The following COL22A1 variants were observed in gnomAD, a reference collection of about 807,000 sequenced individuals.
The protein encoded by COL22A1 is collagen alpha-1(XXII) chain.
Under a neutral mutation model 248.9 loss-of-function variants are expected in COL22A1, and 221 were observed. That is an observed-to-expected ratio of 0.89 (90% CI 0.80 to 0.99). COL22A1 has a LOEUF of 0.99. Among genes scored for constraint, COL22A1 ranks in the 50% least tolerant of loss-of-function variants. COL22A1 has a pLI of 0.00. For synonymous variants in COL22A1, 891 were observed against 793.4 expected (o/e 1.12, Z -2.07); for missense variants, 2,240 against 2,179.0 (o/e 1.03, Z -0.56).
At chr8:138,593,601 G>C (rs1177055459) in intron 63 of COL22A1, among the ~76,000 whole-genome samples, 1 of 152,034 alleles carries the variant, frequency 6.6e-6, no homozygotes, top group Non-Finnish European at 1.5e-5. Context: ...CTGATGTCCT[G>C]ATAAGTCACT....
At chr8:138,812,463 G>A (rs914007079) in intron 8 of COL22A1, among the ~76,000 whole-genome samples, 4 of 152,222 alleles carry the variant, frequency 2.6e-5, no homozygotes, top group African/African-American at 7.2e-5. Context: ...GTTGGAAAGG[G>A]AGAGGCCTGA....
At chr8:138,676,462 A>AAGGAAGG (rs1587837312) in intron 41 of COL22A1, 96 bp downstream of exon 41, 3 of 605,984 alleles carry the variant, frequency 5.0e-6, no homozygotes, top group Admixed American at 7.2e-5. Flanking sequence ...AGAAAGGAAG[A>AAGGAAGG]AAGAAAGAAA....
intron 1 of COL22A1, among the ~76,000 whole-genome samples, chr8:138,883,901 C>T (rs1824436670): frequency 6.6e-6 from 1 of 152,154 alleles, no homozygotes; most frequent in Non-Finnish European, 1.5e-5. Flanking sequence ...CACCTAAAAT[C>T]GTTCAGTGTC....
chr8:138,722,321 A>G, intron 25 of COL22A1: 2 of 551,404 alleles, frequency 3.6e-6, no homozygotes, highest in South Asian at 4.7e-5. Flanking sequence ...TCTGATTTTC[A>G]GTACACTGGC....
chr8:138,868,281 T>C (rs1275211653), intron 3 of COL22A1, among the ~76,000 whole-genome samples: 3 of 151,918 alleles, frequency 2.0e-5, no homozygotes, highest in African/African-American at 7.3e-5. Context: ...GAGTCAGGGG[T>C]TCTCAAAGCG....
intron 18 of COL22A1, 83 bp downstream of exon 18, chr8:138,760,160 C>T: frequency 8.1e-7 from 1 of 1,229,244 alleles, no homozygotes; most frequent in Non-Finnish European, 1.1e-6. Context: ...GGCCCCTTCC[C>T]TGAGCCTGGT....
Position 138,725,402 on chromosome 8 carries a change from T to C in COL22A1, c.2178A>G (p.Gly726=), listed in dbSNP as rs1563672671. 1 of 1,614,016 alleles carries C rather than the reference T, an allele frequency of 6.2e-7. No individual in the cohort carries two copies. Among genetic ancestry groups the C allele is most frequent in the East Asian group, 2.2e-5 (1 of 44,854 alleles). The stretch of plus-strand genomic sequence containing the variant: ...CCAGTCTTACCGGAGAACCTCCCGG[T>C]CCAGGGGGGCCTGGGACACCAGGGG... ...PGPPGVPGPP[G]PGGSPGLPGE... is the part of the protein sequence containing the mutation. Residue 726 remains glycine, a synonymous_variant, in exon 24 of 65, where the codon GGA becomes GGG. Coordinates refer to ENST00000303045, the MANE Select transcript of COL22A1 (RefSeq NM_152888.3).
chr8:138,841,121 C>A (rs571599385), intron 4 of COL22A1, among the ~76,000 whole-genome samples: 3 of 152,144 alleles, frequency 2.0e-5, no homozygotes, highest in African/African-American at 7.2e-5. Context: ...TCCAGCCTCC[C>A]ATCCAACCAT....
intron 41 of COL22A1, among the ~76,000 whole-genome samples, chr8:138,668,515 A>G (rs1242017441): frequency 3.9e-5 from 6 of 152,224 alleles, no homozygotes; most frequent in Non-Finnish European, 7.3e-5. Flanking sequence ...TATAAAACTG[A>G]AAGCCGCATA....
At chr8:138,730,161 G>C (rs144024996) in intron 23 of COL22A1, among the ~76,000 whole-genome samples, 23 of 152,350 alleles carry the variant, frequency 1.5e-4, no homozygotes, top group African/African-American at 5.1e-4. Flanking sequence ...GACAGTATCT[G>C]TCTCCCTGCC....
At chr8:138,726,503 A>AAAAAAAAAAAAAAG (rs1830325060) in intron 23 of COL22A1, among the ~76,000 whole-genome samples, 1 of 143,646 alleles carries the variant, frequency 7.0e-6, no homozygotes, top group Admixed American at 6.8e-5. Flanking sequence ...ATCTACAAAA[A>AAAAAAAAAAAAAAG]AAAAAAAAAA....
intron 2 of COL22A1, 60 bp downstream of exon 2, chr8:138,883,022 C>T (rs564658240): frequency 1.3e-5 from 19 of 1,417,828 alleles, no homozygotes; most frequent in South Asian, 8.8e-5. Context: ...CCCATGCTCA[C>T]GGACACATGC....
chr8:138,698,419 T>C (rs1434147702), intron 32 of COL22A1, among the ~76,000 whole-genome samples: 3 of 152,152 alleles, frequency 2.0e-5, no homozygotes, highest in Non-Finnish European at 4.4e-5. Flanking sequence ...TGGACACAGG[T>C]GCCACTCCCT....
At chr8:138,605,166 G>A (rs548178485) in intron 58 of COL22A1, among the ~76,000 whole-genome samples, 2 of 152,256 alleles carry the variant, frequency 1.3e-5, no homozygotes, top group South Asian at 4.2e-4. Flanking sequence ...CCACTGTTTG[G>A]CTCTGTGATC....
At chr8:138,638,592 G>T (rs1486987487) in intron 47 of COL22A1, among the ~76,000 whole-genome samples, 1 of 152,112 alleles carries the variant, frequency 6.6e-6, no homozygotes, top group African/African-American at 2.4e-5. Flanking sequence ...GGTTAGGTGA[G>T]CTCATATCTG....
intron 52 of COL22A1, among the ~76,000 whole-genome samples, chr8:138,621,756 T>C (rs1284802125): frequency 6.6e-6 from 1 of 152,230 alleles, no homozygotes; most frequent in East Asian, 1.9e-4. Flanking sequence ...GGGACTACAG[T>C]GGAAAAATGT....
Position 138,694,672 on chromosome 8 carries a change from G to A in COL22A1, c.2647-111C>T, listed in dbSNP as rs147305680. The A allele has an allele frequency of 4.0e-4, 549 of 1,367,096 alleles. No homozygotes were observed. The African/African-American group carries it at 6.3e-3, about 16-fold the overall frequency. 84.7% of individuals were successfully genotyped at this position (1,367,096 alleles called of 1,614,324 possible). On this transcript the variant is annotated intron_variant, in intron 33 of 64. Transcript: ENST00000303045. ...ATAATTTGAGATCCAAGGAGGGGAC[G>A]TAGCTAGCGTCCTGAGGAGAAGAAA...
chr8:138,619,362 T>C (rs1383258883), intron 53 of COL22A1, 93 bp downstream of exon 53: 6 of 1,130,494 alleles, frequency 5.3e-6, no homozygotes, highest in South Asian at 1.3e-5. Context: ...GACCCCACGG[T>C]TGGGCAGTCT....
intron 41 of COL22A1, 84 bp downstream of exon 41, chr8:138,676,474 A>AAAGAAAGAAAGGAAGGAAGAAAGAAAG: frequency 3.1e-6 from 2 of 645,496 alleles, no homozygotes; most frequent in Admixed American, 3.4e-5. Context: ...AGAAAGAAAG[A>AAAGAAAGAAAGGAAGGAAGAAAGAAAG]AAAGAGTGTT....
Sources: gnomAD v4.1 joint callset for allele counts (sites outside exome capture counted in the v4.1 genomes callset) on GRCh38, gnomAD v4.1.1 for gene constraint, MANE v1.5 for transcripts, NCBI Gene and HGNC (gene_info 2026-07-23, HGNC 2026-07-21) for gene names.